Variants in PRKCE observed in about 807,000 individuals in gnomAD.
PRKCE encodes protein kinase C epsilon, also known as protein kinase C epsilon type.
PRKCE carries 16 observed loss-of-function variants against 85.4 expected under a neutral mutation model. The ratio of observed to expected loss-of-function variants is 0.19; its 90% CI spans 0.13 to 0.28. The LOEUF (loss-of-function observed/expected upper bound fraction) is 0.28, where lower values mean the gene tolerates loss of function less well. Among genes scored for constraint, PRKCE ranks in the 10% least tolerant of loss-of-function variants. PRKCE has a pLI of 1.00. For synonymous variants in PRKCE, 388 were observed against 371.5 expected (o/e 1.04, Z -0.51); for missense variants, 573 against 975.2 (o/e 0.59, Z 5.49).
chr2:46,065,034 C>T (rs1264349871), intron 10 of PRKCE, among the ~76,000 whole-genome samples: 1 of 152,216 alleles, frequency 6.6e-6, no homozygotes, highest in African/African-American at 2.4e-5. Context: ...TGACCCTGTA[C>T]ATCCTCGACC....
intron 14 of PRKCE, among the ~76,000 whole-genome samples, chr2:46,183,289 C>A (rs990480994): frequency 6.6e-6 from 1 of 152,204 alleles, no homozygotes; most frequent in African/African-American, 2.4e-5. Flanking sequence ...CATAGCAAAT[C>A]TCCAAGAGCA....
At chr2:45,864,502 T>C (rs943885466) in intron 2 of PRKCE, among the ~76,000 whole-genome samples, 7 of 152,214 alleles carry the variant, frequency 4.6e-5, no homozygotes, top group Non-Finnish European at 1.0e-4. Context: ...ATTTTTTTAA[T>C]GTAAACATAA....
chr2:45,738,846 A>T (rs1682305011), intron 1 of PRKCE, among the ~76,000 whole-genome samples: 1 of 152,274 alleles, frequency 6.6e-6, no homozygotes. Flanking sequence ...AATATCCAAC[A>T]GCTATGTAGT....
chr2:46,078,378 A>AG (rs1668739181), intron 10 of PRKCE: 1 of 151,838 alleles, frequency 6.6e-6, no homozygotes, highest in African/African-American at 2.4e-5. Flanking sequence ...CTCTAAAAAA[A>AG]AAAAAAAAAA....
chr2:45,944,655 A>ATT (rs71394861), intron 2 of PRKCE, among the ~76,000 whole-genome samples: 1,730 of 75,406 alleles, frequency 0.023, 184 homozygotes, highest in East Asian at 0.14. Flanking sequence ...TACCCGGCTA[A>ATT]TTTTTTTTTT....
intron 1 of PRKCE, among the ~76,000 whole-genome samples, chr2:45,679,762 G>A (rs1037616846): frequency 3.4e-4 from 52 of 152,094 alleles, no homozygotes; most frequent in African/African-American, 1.2e-3. Context: ...TGCTGTAGTG[G>A]TGTTGATTGA....
intron 1 of PRKCE, among the ~76,000 whole-genome samples, chr2:45,822,445 C>T (rs1022973304): frequency 1.3e-5 from 2 of 152,226 alleles, no homozygotes; most frequent in Non-Finnish European, 2.9e-5. Context: ...TCTGGGGTGG[C>T]CCAGGTCCTG....
intron 11 of PRKCE, among the ~76,000 whole-genome samples, chr2:46,122,358 G>A (rs1673396407): frequency 6.6e-6 from 1 of 152,132 alleles, no homozygotes; most frequent in South Asian, 2.1e-4. Context: ...AGCCTCCTGA[G>A]AAGCTGGGAT....
chr2:45,844,486 C>A (rs1339144999), intron 2 of PRKCE, among the ~76,000 whole-genome samples: 1 of 152,162 alleles, frequency 6.6e-6, no homozygotes, highest in East Asian at 1.9e-4. Context: ...TAAATGAGCA[C>A]CAGTGTGCCC....
chr2:45,694,166 A>G (rs1182592177), intron 1 of PRKCE, among the ~76,000 whole-genome samples: 1 of 150,368 alleles, frequency 6.7e-6, no homozygotes, highest in Non-Finnish European at 1.5e-5. Flanking sequence ...TCCAGAACTA[A>G]GGGGAGCTCT....
chr2:46,037,989 T>C (rs1175018208), intron 10 of PRKCE, among the ~76,000 whole-genome samples: 1 of 152,174 alleles, frequency 6.6e-6, no homozygotes, highest in African/African-American at 2.4e-5. Flanking sequence ...ATCATAGGGT[T>C]GTTTTAACGC....
At chr2:46,082,459 G>T (rs538666520) in intron 10 of PRKCE, among the ~76,000 whole-genome samples, 2 of 152,316 alleles carry the variant, frequency 1.3e-5, no homozygotes, top group South Asian at 4.2e-4. Flanking sequence ...CATTGGGGTA[G>T]ATCGTGAAGT....
chr2:45,901,027 G>A (rs1696539640), intron 2 of PRKCE, among the ~76,000 whole-genome samples: 1 of 152,222 alleles, frequency 6.6e-6, no homozygotes, highest in South Asian at 2.1e-4. Context: ...TATGTGGGAT[G>A]GAGATGCTTT....
chr2:45,951,842 T>G (rs1700643106), intron 2 of PRKCE, among the ~76,000 whole-genome samples: 2 of 152,198 alleles, frequency 1.3e-5, no homozygotes, highest in African/African-American at 4.8e-5. Flanking sequence ...TTGTTTTGTT[T>G]TGTTTTTTGA....
At chr2:45,872,407 G>C (rs1470684022) in intron 2 of PRKCE, among the ~76,000 whole-genome samples, 1 of 152,192 alleles carries the variant, frequency 6.6e-6, no homozygotes, top group Non-Finnish European at 1.5e-5. Context: ...GATCAGTTAG[G>C]ACTCTGACCT....
At position 45,795,996 on chromosome 2, in the gene PRKCE, C is replaced by T. The variant is rs879451921; in HGVS notation, c.349-47004C>T. On this transcript the variant is annotated intron_variant, in intron 1 of 14. Coordinates refer to ENST00000306156, the MANE Select transcript of PRKCE (RefSeq NM_005400.3). ...CAGCTCATTATTTCTAAGCAATACT[C>T]CCATCCTCCATCTCCCTTCACTCTA... 1.1e-4 allele frequency among the ~76,000 whole-genome samples: 16 copies of T among 152,324 alleles called. 1 individual carries two copies. In the South Asian group the frequency reaches 2.9e-3, roughly 28 times the overall value.
At chr2:45,767,000 C>G (rs774715688) in intron 1 of PRKCE, among the ~76,000 whole-genome samples, 3 of 151,040 alleles carry the variant, frequency 2.0e-5, no homozygotes, top group Admixed American at 6.6e-5. Context: ...GAGATCAGGC[C>G]ACTGCACTCC....
intron 1 of PRKCE, among the ~76,000 whole-genome samples, chr2:45,805,197 C>T (rs912881392): frequency 6.6e-6 from 1 of 152,162 alleles, no homozygotes; most frequent in Admixed American, 6.5e-5. Context: ...ACTACGATTC[C>T]TATCTTACAG....
chr2:46,040,273 G>C lies in PRKCE; in HGVS notation c.1437+29756G>C, dbSNP rs1276267463. Among the ~76,000 whole-genome samples the C allele has an allele frequency of 2.6e-5, 4 of 152,112 alleles. No homozygotes were observed. In the East Asian group the frequency reaches 7.7e-4, roughly 29 times the overall value. On this transcript the variant is annotated intron_variant, in intron 10 of 14. Transcript: ENST00000306156. ...GAGCTGGAGAGCTAGGGGCATTCCA[G>C]GGAGAGGATCCACACAAAAGAGGAG... is the stretch of plus-strand genomic sequence containing the variant.
Sources: gnomAD v4.1 joint callset for allele counts (sites outside exome capture counted in the v4.1 genomes callset) on GRCh38, gnomAD v4.1.1 for gene constraint, MANE v1.5 for transcripts, NCBI Gene and HGNC (gene_info 2026-07-23, HGNC 2026-07-21) for gene names.